Variants in HDAC9 observed in about 807,000 individuals in gnomAD.
The protein encoded by HDAC9 is MEF-2 interacting transcription repressor (MITR) protein.
In HDAC9, 41 loss-of-function variants were observed where a neutral mutation model predicts 139.4. The ratio of observed to expected loss-of-function variants is 0.29; its 90% CI spans 0.23 to 0.38. The LOEUF is 0.38. Among genes scored for constraint, HDAC9 ranks in the 10% least tolerant of loss-of-function variants. The pLI is 1.00. For synonymous variants in HDAC9, 517 were observed against 476.2 expected, an observed-to-expected ratio of 1.09 and a Z score of -1.12; for missense variants, 1,147 against 1,297.0, an observed-to-expected ratio of 0.88 and a Z score of 1.78.
At chr7:18,619,337 G>C (rs887196215) in intron 6 of HDAC9, among the ~76,000 whole-genome samples, 17 of 152,096 alleles carry the variant, frequency 1.1e-4, no homozygotes, top group Admixed American at 1.1e-3. Flanking sequence ...TTTAATGTAA[G>C]TTTCCTTCAT....
intron 6 of HDAC9, among the ~76,000 whole-genome samples, chr7:18,616,478 A>G (rs73063139): frequency 0.07 from 10,722 of 152,242 alleles, 801 homozygotes; most frequent in East Asian, 0.35. Flanking sequence ...GGAGGCCTGA[A>G]TGAATCTAGA....
At chr7:18,675,212 T>A (rs1781425322) in intron 12 of HDAC9, among the ~76,000 whole-genome samples, 1 of 152,048 alleles carries the variant, frequency 6.6e-6, no homozygotes, top group Non-Finnish European at 1.5e-5. Flanking sequence ...AAACCCTATG[T>A]ATGCATCAAA....
intron 1 of HDAC9, among the ~76,000 whole-genome samples, chr7:18,342,117 G>C (rs1041954202): frequency 2.0e-5 from 3 of 151,774 alleles, no homozygotes; most frequent in African/African-American, 7.3e-5. Flanking sequence ...TTACACACAT[G>C]TACAGGTCAG....
rs1786671773 is a variant in HDAC9, at chr7:18,999,927, C to G, written c.*3865C>G. 6.6e-6 allele frequency: 1 copy of G among 152,178 alleles called. No individual in the cohort carries two copies. Among genetic ancestry groups the G allele is most frequent in the Non-Finnish European group, 1.5e-5 (1 of 68,028 alleles). The allele number at this position is 152,178 out of a possible 1,614,324, so 9.4% of individuals were successfully genotyped here. Reference sequence around the variant, plus strand: ...GATTCATTCTGAGCTTGAAACGACTCTGTCAGTGTTTGACATTGTCATTTC... The same window carrying G: ...GATTCATTCTGAGCTTGAAACGACTGTGTCAGTGTTTGACATTGTCATTTC... On this transcript the variant is annotated 3_prime_UTR_variant, in exon 26 of 26. Coordinates refer to ENST00000686413, the MANE Select transcript of HDAC9 (RefSeq NM_178425.4).
At chr7:18,430,093 G>A (rs1790501184) in intron 1 of HDAC9, among the ~76,000 whole-genome samples, 1 of 152,170 alleles carries the variant, frequency 6.6e-6, no homozygotes, top group African/African-American at 2.4e-5. Context: ...CAAGAGGTTA[G>A]TTTGCCAAAA....
chr7:18,870,402 A>G (rs1405191713), intron 21 of HDAC9, among the ~76,000 whole-genome samples: 1 of 152,150 alleles, frequency 6.6e-6, no homozygotes, highest in African/African-American at 2.4e-5. Flanking sequence ...TTTGTTTAAT[A>G]TTTCCTCATT....
At chr7:18,740,081 A>C (rs1198089302) in intron 13 of HDAC9, among the ~76,000 whole-genome samples, 1 of 152,240 alleles carries the variant, frequency 6.6e-6, no homozygotes, top group Non-Finnish European at 1.5e-5. Context: ...CAAGCCAGGC[A>C]CGGAAGAGAA....
At chr7:18,710,429 T>C (rs1412240931) in intron 12 of HDAC9, among the ~76,000 whole-genome samples, 1 of 152,228 alleles carries the variant, frequency 6.6e-6, no homozygotes, top group Non-Finnish European at 1.5e-5. Flanking sequence ...GAATGATTAT[T>C]TTCACATGCT....
intron 21 of HDAC9, among the ~76,000 whole-genome samples, chr7:18,861,246 T>C (rs893843928): frequency 2.6e-5 from 4 of 152,182 alleles, no homozygotes; most frequent in Non-Finnish European, 5.9e-5. Flanking sequence ...TTTACTTCAG[T>C]ACAATTTTAA....
chr7:18,171,400 A>G (rs556488418), intron 2 of HDAC9, among the ~76,000 whole-genome samples: 6 of 152,302 alleles, frequency 3.9e-5, no homozygotes, highest in East Asian at 3.9e-4. Flanking sequence ...AACAGGGACA[A>G]TTTGACTTCC....
intron 1 of HDAC9, among the ~76,000 whole-genome samples, chr7:18,466,028 G>C (rs1042034581): frequency 1.3e-5 from 2 of 152,168 alleles, no homozygotes; most frequent in Admixed American, 6.6e-5. Context: ...GGGCACATTG[G>C]CTATGTTCTT....
At chr7:18,866,955 A>G (rs1340957299) in intron 21 of HDAC9, among the ~76,000 whole-genome samples, 1 of 152,230 alleles carries the variant, frequency 6.6e-6, no homozygotes, top group Non-Finnish European at 1.5e-5. Flanking sequence ...ATTCTGAGGA[A>G]GTTCAGAATC....
intron 12 of HDAC9, among the ~76,000 whole-genome samples, chr7:18,692,756 T>C (rs1782761571): frequency 1.3e-5 from 2 of 152,128 alleles, no homozygotes; most frequent in South Asian, 4.1e-4. Flanking sequence ...TCTAATGTCT[T>C]TCGCCAGCCA....
chr7:18,911,297 T>TTGTTGTTG lies in HDAC9; in HGVS notation c.2804-24510_2804-24503dup, dbSNP rs1802718352. 2.6e-5 allele frequency among the ~76,000 whole-genome samples: 4 copies of TTGTTGTTG among 151,980 alleles called. No individual in the cohort carries two copies. The South Asian group carries it at 8.3e-4, about 31-fold the overall frequency. On this transcript the variant is annotated intron_variant, in intron 22 of 25. Transcript: ENST00000686413. ...TACAGTTGGTGTCAGTTGTAATGTCTTGTTGTTGTATAGTTGTATAGTTGG... is the reference window on the plus strand; with the variant it reads ...TACAGTTGGTGTCAGTTGTAATGTCTTGTTGTTGTGTTGTTGTATAGTTGTATAGTTGG...
chr7:18,509,403 G>A, intron 2 of HDAC9: 1 of 985,406 alleles, frequency 1.0e-6, no homozygotes, highest in Non-Finnish European at 1.2e-6. Context: ...CCAAACTCCT[G>A]GCCAACGTGC....
intron 12 of HDAC9, among the ~76,000 whole-genome samples, chr7:18,725,832 G>A (rs1207391487): frequency 1.3e-5 from 2 of 152,228 alleles, no homozygotes; most frequent in Non-Finnish European, 2.9e-5. Context: ...CTGAACACAA[G>A]ACACTCAAGA....
At chr7:18,581,919 ATAAAT>A (rs1282581799) in intron 2 of HDAC9, among the ~76,000 whole-genome samples, 2 of 152,212 alleles carry the variant, frequency 1.3e-5, no homozygotes, top group African/African-American at 2.4e-5. Flanking sequence ...TAGTTCATTT[ATAAAT>A]TATTTTCCCA....
At chr7:18,568,617 C>T (rs184340861) in intron 2 of HDAC9, among the ~76,000 whole-genome samples, 17 of 152,270 alleles carry the variant, frequency 1.1e-4, no homozygotes, top group Admixed American at 3.9e-4. Flanking sequence ...TGGTGTTCTC[C>T]TGTCATGTTC....
intron 14 of HDAC9, among the ~76,000 whole-genome samples, chr7:18,760,088 C>T (rs1245683681): frequency 2.0e-5 from 3 of 152,106 alleles, no homozygotes; most frequent in Admixed American, 2.0e-4. Flanking sequence ...ACTGTATCAG[C>T]ATATACGATG....
Sources: gnomAD v4.1 joint callset for allele counts (sites outside exome capture counted in the v4.1 genomes callset) on GRCh38, gnomAD v4.1.1 for gene constraint, MANE v1.5 for transcripts, NCBI Gene and HGNC (gene_info 2026-07-23, HGNC 2026-07-21) for gene names.